SEMA6D: variants seen among roughly 807,000 people sequenced by gnomAD.
SEMA6D encodes the protein semaphorin 6D.
Under a neutral mutation model 106.6 loss-of-function variants are expected in SEMA6D, and 35 were observed. That is an observed-to-expected ratio of 0.33 (90% CI 0.25 to 0.44). The LOEUF (loss-of-function observed/expected upper bound fraction) is 0.44. SEMA6D is among the 20% of genes least tolerant of loss of function. The pLI is 1.00. For missense variants in SEMA6D, 1,185 were observed against 1,345.9 expected (o/e 0.88, Z 1.87); for synonymous variants, 499 against 487.7 (o/e 1.02, Z -0.31).
chr15:47,606,365 A>G (rs2076782324), intron 4 of SEMA6D: 1 of 152,336 alleles, frequency 6.6e-6, no homozygotes, highest in Admixed American at 6.5e-5. Flanking sequence ...GCCTGGAGAT[A>G]GTTCTCTGTG....
In SEMA6D at chr15:47,763,867, G is replaced by A. The variant is rs374028359; in HGVS notation, c.765G>A (p.Val255=). The A allele has an allele frequency of 8.1e-6, 13 of 1,613,154 alleles. No individual in the cohort carries two copies. Among genetic ancestry groups the A allele is most frequent in the Admixed American group, 1.7e-5 (1 of 60,008 alleles). The change falls in exon 10 of 19, where the codon GTG becomes GTA. Residue 255 remains valine (V), a synonymous_variant. Coordinates refer to ENST00000536845, the MANE Select transcript of SEMA6D (RefSeq NM_001358351.3). ...NNLGKAVYSR[V]ARICKNDMGG... ...TTGGGCAGGCTGTGTATTCCCGCGT[G>A]GCCCGCATATGTAAAAACGACATGG... is the stretch of plus-strand genomic sequence containing the variant.
chr15:47,228,013 G>A (rs1451559926), intron 1 of SEMA6D, among the ~76,000 whole-genome samples: 3 of 8,104 alleles, frequency 3.7e-4, no homozygotes, highest in Non-Finnish European at 1.7e-3. Flanking sequence ...ATATATATAA[G>A]AATCATATAT....
At chr15:47,252,001 C>A (rs1352664137) in intron 1 of SEMA6D, among the ~76,000 whole-genome samples, 1 of 140,860 alleles carries the variant, frequency 7.1e-6, no homozygotes, top group South Asian at 2.2e-4. Flanking sequence ...CTGCAAGCTC[C>A]GCCTCCCGGG....
chr15:47,341,877 C>G (rs2037827616), intron 1 of SEMA6D, among the ~76,000 whole-genome samples: 1 of 152,118 alleles, frequency 6.6e-6, no homozygotes. Context: ...CCTCCCACCC[C>G]TTTCCCTCCT....
intron 2 of SEMA6D, among the ~76,000 whole-genome samples, chr15:47,460,392 G>C (rs2042468322): frequency 6.6e-6 from 1 of 152,066 alleles, no homozygotes; most frequent in South Asian, 2.1e-4. Context: ...AGTTGGGTTA[G>C]CCAGGCTTAT....
rs1478132319 is a variant in SEMA6D at position 47,380,341 on chromosome 15, C to A, written c.-238-32052C>A. On this transcript the variant is annotated intron_variant, in intron 1 of 19. Coordinates refer to the SEMA6D transcript ENST00000558014. ...CACCCACATGTATTATCCTCAGTTT[C>A]CAGGTTCAGTCCCTTGGAAGCAGAA... The A allele has an allele frequency of 3.3e-5, 5 of 152,258 alleles. No individual in the cohort carries two copies. In the East Asian group the frequency reaches 9.7e-4, roughly 29 times the overall value. 9.4% of individuals were successfully genotyped at this position (152,258 alleles called of 1,614,324 possible).
At position 47,759,993 on chromosome 15, in the gene SEMA6D, G is replaced by C. The variant is rs1001167768; in HGVS notation, c.109+86G>C. The C allele has an allele frequency of 6.9e-6, 7 of 1,020,416 alleles. No individual in the cohort carries two copies. The African/African-American group carries it at 1.1e-4, about 16-fold the overall frequency. 63.2% of individuals were successfully genotyped at this position (1,020,416 alleles called of 1,614,324 possible). ...GTAAGCATGTTCATTTTCAGAAAGA[G>C]GCAGAGATTTTTTATGTCTTAACCT... On this transcript the variant is annotated intron_variant, in intron 2 of 18. Coordinates refer to ENST00000536845, the MANE Select transcript of SEMA6D (RefSeq NM_001358351.3).
At chr15:47,569,822 A>C (rs527249510) in intron 3 of SEMA6D, among the ~76,000 whole-genome samples, 6 of 152,276 alleles carry the variant, frequency 3.9e-5, no homozygotes, top group Non-Finnish European at 7.4e-5. Flanking sequence ...GTACTTTGGG[A>C]GAACAAGGCG....
At chr15:47,749,028 A>T (rs2081286681) in intron 1 of SEMA6D, among the ~76,000 whole-genome samples, 2 of 53,796 alleles carry the variant, frequency 3.7e-5, no homozygotes. Flanking sequence ...CCTGAGAAGA[A>T]CATGAAAAAA....
In SEMA6D at chr15:47,325,878, A is replaced by T. The variant is rs114316082; in HGVS notation, c.-238-86515A>T. Among the ~76,000 whole-genome samples, 738 of 152,354 alleles carry T rather than the reference A, an allele frequency of 4.8e-3. 7 individuals carry two copies. The highest frequency in any genetic ancestry group is 0.017 in the African/African-American group (716 of 41,578). The stretch of plus-strand genomic sequence containing the variant: ...TAAAATTTAAATGCTCATAAGAGAT[A>T]TAAATTTGTTACCTCAAGCGGTTGC... On this transcript the variant is annotated intron_variant, in intron 1 of 19. Transcript: ENST00000558014.
intron 1 of SEMA6D, among the ~76,000 whole-genome samples, chr15:47,218,850 GA>G (rs1308824182): frequency 1.3e-5 from 2 of 152,200 alleles, no homozygotes; most frequent in Non-Finnish European, 2.9e-5. Flanking sequence ...TAGGCTCAGG[GA>G]GGTTAAGTAA....
At chr15:47,400,107 T>C (rs1412301353) in intron 1 of SEMA6D, among the ~76,000 whole-genome samples, 1 of 152,218 alleles carries the variant, frequency 6.6e-6, no homozygotes, top group Non-Finnish European at 1.5e-5. Context: ...TCCAGAATTC[T>C]AGAGACTTCA....
Position 47,760,435 on chromosome 15 carries a change from T to C in SEMA6D, c.221+20T>C. The C allele has an allele frequency of 4.5e-6, 7 of 1,569,102 alleles. No individual in the cohort carries two copies. The highest frequency in any genetic ancestry group is 1.7e-5 in the Admixed American group (1 of 59,664). ...TGGCAGGTAATTTTCCTCTCATTGG[T>C]TTATTAGATTAAAATTCTTTTCTCT... On this transcript the variant is annotated intron_variant, in intron 3 of 18. Coordinates refer to ENST00000536845, the MANE Select transcript of SEMA6D (RefSeq NM_001358351.3).
chr15:47,730,010 C>CT (rs2080011826), intron 1 of SEMA6D: 1 of 530,066 alleles, frequency 1.9e-6, no homozygotes, highest in Admixed American at 3.1e-5. Flanking sequence ...CTCCAGAGTT[C>CT]TTTCTAGTAG....
At chr15:47,676,080 C>G (rs993494272) in intron 4 of SEMA6D, among the ~76,000 whole-genome samples, 1 of 152,144 alleles carries the variant, frequency 6.6e-6, no homozygotes, top group Non-Finnish European at 1.5e-5. Flanking sequence ...GCAGTCGGCT[C>G]CAGCAAGACA....
intron 1 of SEMA6D, among the ~76,000 whole-genome samples, chr15:47,360,513 C>T (rs916220755): frequency 6.6e-6 from 1 of 152,210 alleles, no homozygotes; most frequent in Non-Finnish European, 1.5e-5. Context: ...GGCTATCATA[C>T]TGAATAGCAC....
At chr15:47,485,711 G>A (rs1382079079) in intron 3 of SEMA6D, among the ~76,000 whole-genome samples, 1 of 152,128 alleles carries the variant, frequency 6.6e-6, no homozygotes, top group Non-Finnish European at 1.5e-5. Flanking sequence ...CACAAGAGTG[G>A]CAGATAGGCA....
At chr15:47,215,920 C>CA (rs35737269) in intron 1 of SEMA6D, among the ~76,000 whole-genome samples, 63,558 of 151,828 alleles carry the variant, frequency 0.42, 14,224 homozygotes, top group African/African-American at 0.56. Context: ...AAGCTGTGGT[C>CA]AAAGACATAT....
chr15:47,748,476 G>A (rs1333757744), intron 1 of SEMA6D, among the ~76,000 whole-genome samples: 1 of 152,236 alleles, frequency 6.6e-6, no homozygotes, highest in Non-Finnish European at 1.5e-5. Flanking sequence ...TAACATTGCT[G>A]TGGAGTGACA....
Sources: allele counts gnomAD v4.1 joint callset (sites outside exome capture counted in the v4.1 genomes callset), GRCh38; gene constraint gnomAD v4.1.1; transcripts MANE v1.5; gene names NCBI Gene and HGNC (gene_info 2026-07-23, HGNC 2026-07-21).